FBLN5: variants seen among roughly 807,000 people sequenced by gnomAD.
FBLN5 encodes fibulin 5.
A neutral mutation model predicts 61.6 loss-of-function variants in FBLN5; 24 were observed. That is an observed-to-expected ratio of 0.39 (90% confidence interval 0.28 to 0.55). The LOEUF (loss-of-function observed/expected upper bound fraction) is 0.55. FBLN5 is among the 20% of genes least tolerant of loss of function. The probability of loss-of-function intolerance (pLI) is 0.65; values close to 1 mark genes in which losing one functional copy is unlikely to be tolerated. For missense variants in FBLN5, 470 were observed against 594.1 expected, an observed-to-expected ratio of 0.79 and a Z score of 2.17; for synonymous variants, 213 against 219.8, an observed-to-expected ratio of 0.97 and a Z score of 0.27.
intron 4 of FBLN5, among the ~76,000 whole-genome samples, chr14:91,929,680 AC>A (rs1228520324): frequency 1.3e-5 from 2 of 151,832 alleles, no homozygotes; most frequent in Non-Finnish European, 2.9e-5. Flanking sequence ...ACAAATTCAA[AC>A]AATATACAAA....
intron 5 of FBLN5, among the ~76,000 whole-genome samples, chr14:91,892,240 G>A (rs755736340): frequency 3.3e-5 from 5 of 152,126 alleles, no homozygotes; most frequent in Non-Finnish European, 7.4e-5. Context: ...TGAAATCACC[G>A]GCCTCCTGGC....
rs573937823 is a variant in FBLN5 at position 91,928,945 on chromosome 14, C to A, written c.379+8002G>T. Among the ~76,000 whole-genome samples, 5 of 152,082 alleles carry A rather than the reference C, an allele frequency of 3.3e-5. No homozygotes were observed. In the East Asian group the frequency reaches 9.6e-4, roughly 29 times the overall value. On this transcript the variant is annotated intron_variant, in intron 4 of 10. Transcript: ENST00000342058. ...CAGTGGCAGGCGCCTGTAGTCCCAGCTACTCGGGAGGCTGAGGCAGGAGAA... is the reference window on the plus strand; with the variant it reads ...CAGTGGCAGGCGCCTGTAGTCCCAGATACTCGGGAGGCTGAGGCAGGAGAA...
rs146294285 is a variant in FBLN5 at position 91,871,453 on chromosome 14, G to A, written c.1186-1068C>T. Reference sequence around the variant, plus strand: ...TCGCGTGAACTCTCTCCTCCACTGAGTCTTTTTCTAAAACTTTCAAGGAGG... The same window carrying A: ...TCGCGTGAACTCTCTCCTCCACTGAATCTTTTTCTAAAACTTTCAAGGAGG... On this transcript the variant is annotated intron_variant, in intron 10 of 10. Transcript: ENST00000342058. Among the ~76,000 whole-genome samples the A allele has an allele frequency of 5.1e-3, 771 of 152,244 alleles. 3 individuals are homozygous for A. Among genetic ancestry groups the A allele is most frequent in the African/African-American group, 0.018 (743 of 41,520 alleles).
intron 7 of FBLN5, among the ~76,000 whole-genome samples, chr14:91,886,971 C>T (rs938982296): frequency 1.3e-5 from 2 of 152,124 alleles, no homozygotes; most frequent in African/African-American, 4.8e-5. Context: ...TTAATTTTTG[C>T]ATCAAGGGTC....
intron 4 of FBLN5, among the ~76,000 whole-genome samples, chr14:91,909,455 G>T (rs1420604347): frequency 1.3e-5 from 2 of 152,188 alleles, no homozygotes. Context: ...CAAAGTTCAT[G>T]TACTGAAATT....
intron 10 of FBLN5, chr14:91,874,623 C>G (rs1889085800): frequency 6.6e-6 from 1 of 152,118 alleles, no homozygotes; most frequent in Non-Finnish European, 1.5e-5. Context: ...CATCCTATAT[C>G]ATAGGATTCT....
At chr14:91,891,955 G>C (rs1257613316) in intron 5 of FBLN5, among the ~76,000 whole-genome samples, 1 of 152,172 alleles carries the variant, frequency 6.6e-6, no homozygotes, top group African/African-American at 2.4e-5. Flanking sequence ...AGTAACATGA[G>C]GGCACTGGAA....
At chr14:91,936,294 G>T (rs1265838577) in intron 4 of FBLN5, among the ~76,000 whole-genome samples, 2 of 152,166 alleles carry the variant, frequency 1.3e-5, no homozygotes, top group South Asian at 2.1e-4. Context: ...GCCCAGGCTG[G>T]AACGCAGTGA....
At position 91,910,214 on chromosome 14, in the gene FBLN5, C is replaced by T. The variant is rs1038121583; in HGVS notation, c.380-15142G>A. 2.0e-5 allele frequency among the ~76,000 whole-genome samples: 3 copies of T among 152,208 alleles called. 1 individual carries two copies. Among genetic ancestry groups the T allele is most frequent in the Non-Finnish European group, 1.5e-5 (1 of 68,044 alleles). ...GCCTTAAAAAGGAAGGAAACTCTAG[C>T]ACGTGCTACAACATGAATGAAGCTT... On this transcript the variant is annotated intron_variant, in intron 4 of 10. Transcript: ENST00000342058.
intron 4 of FBLN5, among the ~76,000 whole-genome samples, chr14:91,910,441 G>A (rs1300277383): frequency 1.3e-5 from 2 of 152,074 alleles, no homozygotes; most frequent in Non-Finnish European, 2.9e-5. Context: ...AAAGTTCTGC[G>A]GCACAACAAT....
chr14:91,945,582 A>G (rs1315348967), intron 1 of FBLN5, among the ~76,000 whole-genome samples: 1 of 152,216 alleles, frequency 6.6e-6, no homozygotes, highest in Non-Finnish European at 1.5e-5. Context: ...CGTGCACCAC[A>G]ACAATATAAT....
At chr14:91,915,312 A>G (rs916603904) in intron 4 of FBLN5, among the ~76,000 whole-genome samples, 7 of 152,212 alleles carry the variant, frequency 4.6e-5, no homozygotes, top group African/African-American at 1.7e-4. Context: ...TTAAGTAGAC[A>G]AGTTCTTAGA....
At chr14:91,913,868 C>G (rs1566817163) in intron 4 of FBLN5, among the ~76,000 whole-genome samples, 1 of 152,148 alleles carries the variant, frequency 6.6e-6, no homozygotes, top group Non-Finnish European at 1.5e-5. Context: ...AAACTCACCA[C>G]TAAATAAATC....
chr14:91,939,801 A>G (rs1462248728), intron 3 of FBLN5: 1 of 383,554 alleles, frequency 2.6e-6, no homozygotes, highest in Non-Finnish European at 5.1e-6. Flanking sequence ...GTTACACGGC[A>G]AAGGGGAATT....
intron 4 of FBLN5, among the ~76,000 whole-genome samples, chr14:91,923,721 C>T (rs1440093324): frequency 6.6e-6 from 1 of 152,054 alleles, no homozygotes; most frequent in Non-Finnish European, 1.5e-5. Flanking sequence ...GTTATGTACA[C>T]CCCCCTCCAA....
At chr14:91,927,789 TA>T (rs900552575) in intron 4 of FBLN5, among the ~76,000 whole-genome samples, 4 of 152,306 alleles carry the variant, frequency 2.6e-5, no homozygotes, top group African/African-American at 9.6e-5. Flanking sequence ...GTCCTGCCAT[TA>T]AAAAGTCCAC....
At chr14:91,884,372 AC>A (rs1889630683) in intron 7 of FBLN5, among the ~76,000 whole-genome samples, 1 of 152,098 alleles carries the variant, frequency 6.6e-6, no homozygotes, top group African/African-American at 2.4e-5. Flanking sequence ...ATCATAACTG[AC>A]TGTCCTATTT....
chr14:91,909,278 A>G (rs1473046752), intron 4 of FBLN5, among the ~76,000 whole-genome samples: 1 of 152,132 alleles, frequency 6.6e-6, no homozygotes, highest in Non-Finnish European at 1.5e-5. Flanking sequence ...ACCCACAGAA[A>G]CACTAGCCTA....
At chr14:91,933,077 G>C (rs1256829099) in intron 4 of FBLN5, among the ~76,000 whole-genome samples, 1 of 152,204 alleles carries the variant, frequency 6.6e-6, no homozygotes, top group South Asian at 2.1e-4. Flanking sequence ...TTGTGGCTGA[G>C]AAAGCAGGAT....
Sources: allele counts gnomAD v4.1 joint callset (sites outside exome capture counted in the v4.1 genomes callset), GRCh38; gene constraint gnomAD v4.1.1; transcripts MANE v1.5; gene names NCBI Gene and HGNC (gene_info 2026-07-23, HGNC 2026-07-21).